IFTAP: variants seen among roughly 807,000 people sequenced by gnomAD.
IFTAP encodes the protein intraflagellar transport-associated protein.
Under a neutral mutation model 19.4 loss-of-function variants are expected in IFTAP, and 19 were observed. The ratio of observed to expected loss-of-function variants is 0.98; its 90% CI spans 0.68 to 1.44. IFTAP has a LOEUF of 1.44. IFTAP is among the 40% of genes most tolerant of loss of function. IFTAP has a pLI of 0.00. For synonymous variants in IFTAP, 85 were observed against 83.5 expected (o/e 1.02, Z -0.10); for missense variants, 240 against 253.6 (o/e 0.95, Z 0.36).
rs1015019760 is a variant in IFTAP at position 36,659,244 on chromosome 11, C to T, written c.*58C>T. 126 of 1,376,604 alleles carry T rather than the reference C, an allele frequency of 9.2e-5. No individual in the cohort carries two copies. Among genetic ancestry groups the T allele is most frequent in the Non-Finnish European group, 1.1e-4 (119 of 1,039,366 alleles). The allele number at this position is 1,376,604 out of a possible 1,614,324, so 85.3% of individuals were successfully genotyped here. A position where few individuals can be genotyped will look rare whatever the true frequency, so the allele number is the denominator to read the frequency against. ...TTTAATTTTGTTCTTATTCTAGCAA[C>T]ATTAGAATAAAAGATAAACCTACTA... On this transcript the variant is annotated 3_prime_UTR_variant, in exon 6 of 6. Coordinates refer to ENST00000334307, the MANE Select transcript of IFTAP (RefSeq NM_138787.4).
At chr11:36,622,743 T>C (rs1260801208) in intron 2 of IFTAP, among the ~76,000 whole-genome samples, 1 of 152,160 alleles carries the variant, frequency 6.6e-6, no homozygotes, top group Non-Finnish European at 1.5e-5. Context: ...TCTATTTCTC[T>C]GATACGAAAG....
intron 2 of IFTAP, among the ~76,000 whole-genome samples, chr11:36,630,725 T>C (rs1170920614): frequency 6.6e-6 from 1 of 151,416 alleles, no homozygotes; most frequent in Non-Finnish European, 1.5e-5. Context: ...AATAGATTAT[T>C]ACAATAGTGT....
chr11:36,615,862 A>G (rs1030949028), intron 2 of IFTAP, among the ~76,000 whole-genome samples: 6 of 151,836 alleles, frequency 4.0e-5, no homozygotes, highest in Admixed American at 3.3e-4. Flanking sequence ...TCGTCTGCAA[A>G]GAGGGACAAT....
intron 4 of IFTAP, among the ~76,000 whole-genome samples, chr11:36,642,584 T>C (rs1457929410): frequency 6.6e-6 from 1 of 152,104 alleles, no homozygotes; most frequent in African/African-American, 2.4e-5. Context: ...ATATCCCTCA[T>C]GAACATCGAT....
At chr11:36,611,369 G>A (rs1477717109) in intron 2 of IFTAP, among the ~76,000 whole-genome samples, 2 of 151,956 alleles carry the variant, frequency 1.3e-5, no homozygotes, top group Non-Finnish European at 1.5e-5. Context: ...AGCTCAGCTA[G>A]GATCAAGGGA....
At chr11:36,613,099 C>T (rs16929147) in intron 2 of IFTAP, among the ~76,000 whole-genome samples, 17,207 of 151,896 alleles carry the variant, frequency 0.11, 1,151 homozygotes, top group African/African-American at 0.17. Context: ...CTCAATAGCA[C>T]CTTCAGTTCA....
At chr11:36,637,044 A>C (rs945540075) in intron 4 of IFTAP, among the ~76,000 whole-genome samples, 1 of 151,560 alleles carries the variant, frequency 6.6e-6, no homozygotes, top group African/African-American at 2.4e-5. Flanking sequence ...ATGTTTAACT[A>C]TTGTTTACTG....
intron 1 of IFTAP, among the ~76,000 whole-genome samples, chr11:36,598,505 A>G (rs1851376770): frequency 6.6e-6 from 1 of 152,250 alleles, no homozygotes; most frequent in South Asian, 2.1e-4. Context: ...GGTTTAAATA[A>G]ACACTATTTT....
At chr11:36,652,226 G>C (rs367586286) in intron 5 of IFTAP, among the ~76,000 whole-genome samples, 4 of 151,808 alleles carry the variant, frequency 2.6e-5, no homozygotes, top group Non-Finnish European at 4.4e-5. Flanking sequence ...CTTTTATTTC[G>C]TTGAGCAGTG....
intron 2 of IFTAP, among the ~76,000 whole-genome samples, chr11:36,621,593 G>A (rs1045489766): frequency 5.9e-5 from 9 of 152,010 alleles, no homozygotes; most frequent in African/African-American, 2.2e-4. Context: ...AGAAGATTGG[G>A]GTTGTAGGGA....
At chr11:36,647,423 T>C (rs1011052795) in intron 4 of IFTAP, among the ~76,000 whole-genome samples, 1 of 152,122 alleles carries the variant, frequency 6.6e-6, no homozygotes, top group African/African-American at 2.4e-5. Flanking sequence ...CAAGATGGGT[T>C]ATTGAATTCT....
At chr11:36,597,718 C>G (rs1335973366) in intron 1 of IFTAP, 2 of 152,166 alleles carry the variant, frequency 1.3e-5, no homozygotes, top group East Asian at 1.9e-4. Context: ...TCCAGAGTAG[C>G]AAGTAACCTC....
At chr11:36,651,993 T>C (rs962817811) in intron 5 of IFTAP, among the ~76,000 whole-genome samples, 4 of 152,224 alleles carry the variant, frequency 2.6e-5, no homozygotes, top group African/African-American at 9.6e-5. Context: ...GCGTGATGCC[T>C]CCAGCTTTGT....
At chr11:36,643,413 G>T (rs1853320791) in intron 4 of IFTAP, among the ~76,000 whole-genome samples, 1 of 152,124 alleles carries the variant, frequency 6.6e-6, no homozygotes, top group African/African-American at 2.4e-5. Flanking sequence ...CATGAAAATG[G>T]CCATACTGCT....
At chr11:36,649,007 T>G (rs1853601703) in intron 5 of IFTAP, among the ~76,000 whole-genome samples, 1 of 152,172 alleles carries the variant, frequency 6.6e-6, no homozygotes, top group African/African-American at 2.4e-5. Flanking sequence ...CAATAGAGAC[T>G]GTTGCTAGTG....
intron 2 of IFTAP, among the ~76,000 whole-genome samples, chr11:36,622,113 C>T (rs1204654803): frequency 1.2e-4 from 17 of 137,986 alleles, no homozygotes; most frequent in Middle Eastern, 7.8e-3. Context: ...TGAAGGCTCT[C>T]CTGGAGTTTC....
intron 4 of IFTAP, among the ~76,000 whole-genome samples, chr11:36,645,000 A>G (rs1565028730): frequency 1.3e-5 from 2 of 151,650 alleles, no homozygotes; most frequent in Non-Finnish European, 2.9e-5. Context: ...AAGTATAATA[A>G]TAATAATAAT....
intron 1 of IFTAP, among the ~76,000 whole-genome samples, chr11:36,603,038 G>A (rs2133356908): frequency 6.6e-6 from 1 of 152,258 alleles, no homozygotes; most frequent in Non-Finnish European, 1.5e-5. Context: ...ATTAATAACT[G>A]TGTAATTGAA....
chr11:36,645,609 C>T (rs975980922), intron 4 of IFTAP, among the ~76,000 whole-genome samples: 16 of 151,786 alleles, frequency 1.1e-4, no homozygotes, highest in Admixed American at 7.9e-4. Flanking sequence ...TATATATAAC[C>T]CACCCACGAT....
Sources: gnomAD v4.1 joint callset for allele counts (sites outside exome capture counted in the v4.1 genomes callset) on GRCh38, gnomAD v4.1.1 for gene constraint, MANE v1.5 for transcripts, NCBI Gene and HGNC (gene_info 2026-07-23, HGNC 2026-07-21) for gene names.